The following STRBP variants were observed in gnomAD, a reference collection of about 807,000 sequenced individuals.
STRBP encodes spermatid perinuclear RNA binding protein.
Under a neutral mutation model 80.1 loss-of-function variants are expected in STRBP, and 13 were observed. The observed-to-expected ratio is 0.16, with a 90% CI of 0.11 to 0.26. STRBP has a LOEUF of 0.26. Ranked by LOEUF, STRBP falls within the 10% of genes least tolerant of loss-of-function variation. The pLI, the probability that STRBP is intolerant of heterozygous loss-of-function variation, is 1.00. For missense variants in STRBP, 485 were observed against 815.2 expected (o/e 0.59, Z 4.93); for synonymous variants, 284 against 291.2 (o/e 0.98, Z 0.25).
intron 13 of STRBP, among the ~76,000 whole-genome samples, chr9:123,145,771 G>A (rs903051152): frequency 2.6e-5 from 4 of 151,998 alleles, no homozygotes; most frequent in African/African-American, 9.7e-5. Flanking sequence ...CTCATTGTTG[G>A]TTTTCTTTTT....
intron 3 of STRBP, chr9:123,111,584 A>G: frequency 2.1e-6 from 1 of 479,718 alleles, no homozygotes; most frequent in Non-Finnish European, 4.3e-6. Flanking sequence ...GTCTGTAAGT[A>G]ACTCCACTGC....
downstream of STRBP, among the ~76,000 whole-genome samples, chr9:123,118,428 G>A: frequency 6.6e-6 from 1 of 152,170 alleles, no homozygotes; most frequent in Admixed American, 6.5e-5. Flanking sequence ...TCTTCACTCT[G>A]CCCACCAGCA....
chr9:123,198,137 ACTT>A (rs1258169593), intron 2 of STRBP, among the ~76,000 whole-genome samples: 1 of 151,450 alleles, frequency 6.6e-6, no homozygotes, highest in Non-Finnish European at 1.5e-5. Flanking sequence ...TCTTTTGCCT[ACTT>A]TTTATTTTTT....
Position 123,127,670 on chromosome 9 carries a change from G to C in STRBP, c.1942+544C>G, listed in dbSNP as rs928002203. ...GCATGTACTACAGACTTCCTGCAGC[G>C]AGCACTTAAGTAAGACTGCTGGTGA... On this transcript the variant is annotated intron_variant, in intron 18 of 18. Transcript: ENST00000348403. Among the ~76,000 whole-genome samples, 8 of 152,124 alleles carry C rather than the reference G, an allele frequency of 5.3e-5. No individual in the cohort carries two copies. In the East Asian group the frequency reaches 1.5e-3, roughly 29 times the overall value.
intron 13 of STRBP, among the ~76,000 whole-genome samples, chr9:123,145,117 T>C (rs1244771250): frequency 6.6e-6 from 1 of 152,204 alleles, no homozygotes; most frequent in Admixed American, 6.5e-5. Context: ...GAAGGTCATC[T>C]ACCTGCCACA....
At chr9:123,265,698 C>T (rs1399685956) in intron 1 of STRBP, among the ~76,000 whole-genome samples, 1 of 152,154 alleles carries the variant, frequency 6.6e-6, no homozygotes, top group East Asian at 1.9e-4. Context: ...AGGTTACTTC[C>T]CATGTGTTTG....
intron 1 of STRBP, among the ~76,000 whole-genome samples, chr9:123,257,374 C>G (rs2041055569): frequency 6.6e-6 from 1 of 151,826 alleles, no homozygotes; most frequent in Non-Finnish European, 1.5e-5. Context: ...CTTCTGAATT[C>G]TGGATCACTC....
intron 2 of STRBP, among the ~76,000 whole-genome samples, chr9:123,228,075 G>A (rs1564319664): frequency 6.6e-6 from 1 of 152,206 alleles, no homozygotes; most frequent in Non-Finnish European, 1.5e-5. Context: ...CTAGCAGATT[G>A]GATGTGGGAT....
chr9:123,196,657 G>C (rs2039101350), intron 2 of STRBP, among the ~76,000 whole-genome samples: 1 of 152,146 alleles, frequency 6.6e-6, no homozygotes, highest in Non-Finnish European at 1.5e-5. Flanking sequence ...CTGATCATCA[G>C]AGAAATGCAA....
chr9:123,238,486 G>A (rs1210893997), intron 1 of STRBP, among the ~76,000 whole-genome samples: 1 of 152,164 alleles, frequency 6.6e-6, no homozygotes, highest in African/African-American at 2.4e-5. Context: ...GAAGACAGCT[G>A]CATAAAAGCA....
In STRBP at chr9:123,121,899, T is replaced by A. The variant is rs2035745211; in HGVS notation, c.*3698A>T. On this transcript the variant is annotated 3_prime_UTR_variant, in exon 19 of 19. Transcript: ENST00000348403. ...GTTCCTATCACTGAATTCTTACATT[T>A]AAACAGGTATGTGTGTGTAATTTAC... The A allele has an allele frequency of 1.3e-5, 2 of 154,664 alleles. No homozygotes were observed. The allele number at this position is 154,664 out of a possible 1,614,324, so 9.6% of individuals were successfully genotyped here.
Position 123,255,289 on chromosome 9 carries a change from C to T in STRBP, c.-302+13147G>A, listed in dbSNP as rs867209955. On this transcript the variant is annotated intron_variant, in intron 1 of 18. Transcript: ENST00000348403. ...CACTAATTAGGTTAAAAGGCTTGTC[C>T]TCTTCCAATGTGGCTCTATGTCCTA... 1.1e-4 allele frequency among the ~76,000 whole-genome samples: 17 copies of T among 152,352 alleles called. No homozygotes were observed. In the South Asian group the frequency reaches 2.3e-3, roughly 20 times the overall value.
chr9:123,113,532 T>C (rs940611173), intron 3 of STRBP: 3 of 167,324 alleles, frequency 1.8e-5, no homozygotes, highest in African/African-American at 7.2e-5. Flanking sequence ...TTCTGTATGA[T>C]GCTCTTTAGC....
intron 6 of STRBP, among the ~76,000 whole-genome samples, chr9:123,168,948 GA>G (rs2037888369): frequency 6.6e-6 from 1 of 152,028 alleles, no homozygotes. Context: ...CTTAACTTCA[GA>G]AGAAAGTTAG....
intron 2 of STRBP, among the ~76,000 whole-genome samples, chr9:123,215,770 G>C (rs954471574): frequency 6.6e-6 from 1 of 152,140 alleles, no homozygotes; most frequent in South Asian, 2.1e-4. Context: ...GGAGACAAGA[G>C]CGAAACTCCA....
At chr9:123,205,587 G>A (rs1418383679) in intron 2 of STRBP, among the ~76,000 whole-genome samples, 1 of 152,160 alleles carries the variant, frequency 6.6e-6, no homozygotes, top group African/African-American at 2.4e-5. Flanking sequence ...ATTCAGCTTA[G>A]CAAAATAAAT....
intron 2 of STRBP, among the ~76,000 whole-genome samples, chr9:123,187,733 C>T (rs1028393946): frequency 6.6e-6 from 1 of 151,888 alleles, no homozygotes; most frequent in Non-Finnish European, 1.5e-5. Context: ...GGAAAGAACT[C>T]CCATATACCT....
intron 16 of STRBP, among the ~76,000 whole-genome samples, chr9:123,134,604 T>C (rs1047397670): frequency 2.0e-4 from 30 of 152,234 alleles, no homozygotes; most frequent in East Asian, 1.9e-4. Context: ...GTGAACTTCA[T>C]GTAGACATCT....
chr9:123,119,898 A>G (rs1453988137), downstream of STRBP, among the ~76,000 whole-genome samples: 2 of 152,228 alleles, frequency 1.3e-5, no homozygotes, highest in Admixed American at 6.5e-5. Context: ...TAAAGCTTAC[A>G]TAACCTAATT....
Sources: allele counts gnomAD v4.1 joint callset (sites outside exome capture counted in the v4.1 genomes callset), GRCh38; gene constraint gnomAD v4.1.1; transcripts MANE v1.5; gene names NCBI Gene and HGNC (gene_info 2026-07-23, HGNC 2026-07-21).